The following IL1RAPL1 variants were observed in gnomAD, a reference collection of about 807,000 sequenced individuals.
The protein encoded by IL1RAPL1 is interleukin 1 receptor accessory protein like 1, also known as interleukin-1 receptor accessory protein-like 1.
A neutral mutation model predicts 48.4 loss-of-function variants in IL1RAPL1; 3 were observed. That is an observed-to-expected ratio of 0.06 (90% CI 0.03 to 0.16). IL1RAPL1 has a LOEUF of 0.16. Ranked by LOEUF, IL1RAPL1 falls within the 10% of genes least tolerant of loss-of-function variation. IL1RAPL1 has a pLI of 1.00. For missense variants in IL1RAPL1, 349 were observed against 530.6 expected, an observed-to-expected ratio of 0.66 and a Z score of 3.36; for synonymous variants, 185 against 187.7, an observed-to-expected ratio of 0.99 and a Z score of 0.12.
chrX:29,387,475 C>T (rs1028239073), intron 3 of IL1RAPL1, among the ~76,000 whole-genome samples: 1 of 112,001 alleles, frequency 8.9e-6, no homozygotes, highest in African/African-American at 3.2e-5. Context: ...TGATGTGCAA[C>T]TTACCCAAAT....
chrX:28,732,407 C>G (rs1303978485), intron 1 of IL1RAPL1, among the ~76,000 whole-genome samples: 1 of 111,747 alleles, frequency 8.9e-6, no homozygotes, highest in East Asian at 2.8e-4. Flanking sequence ...AATTTTGCTT[C>G]TTGTCCGTAT....
At chrX:29,435,491 TTTTG>T (rs1280067664) in intron 5 of IL1RAPL1, among the ~76,000 whole-genome samples, 1 of 111,080 alleles carries the variant, frequency 9.0e-6, no homozygotes, top group Non-Finnish European at 1.9e-5. Context: ...TTTCTGGGTT[TTTTG>T]TTTGTTTTAT....
intron 3 of IL1RAPL1, among the ~76,000 whole-genome samples, chrX:29,299,656 C>G (rs745950042): frequency 8.9e-6 from 1 of 112,082 alleles, no homozygotes; most frequent in South Asian, 3.7e-4. Context: ...AAACAGATTC[C>G]TAGATCCTAC....
Position 28,598,381 on chromosome X carries a change from G to GT in IL1RAPL1, c.-25+10342dup, listed in dbSNP as rs1417644440. 6.3e-5 allele frequency among the ~76,000 whole-genome samples: 7 copies of GT among 111,442 alleles called. No homozygotes were observed. In the East Asian group the frequency reaches 1.7e-3, roughly 27 times the overall value. On this transcript the variant is annotated intron_variant, in intron 1 of 10. Coordinates refer to ENST00000378993, the MANE Select transcript of IL1RAPL1 (RefSeq NM_014271.4). ...GGAAGAAAAGAAACCAGTAGGTATA[G>GT]TTTTTTTTCCCATACTGTATCTGAT...
chrX:28,768,703 T>TTC (rs1195886664), intron 1 of IL1RAPL1, among the ~76,000 whole-genome samples: 836 of 58,781 alleles, frequency 0.014, 15 homozygotes, highest in African/African-American at 0.046. Context: ...CTCTCTCTGT[T>TTC]TCTCTCTCTC....
intron 6 of IL1RAPL1, among the ~76,000 whole-genome samples, chrX:29,766,315 G>A (rs1928884528): frequency 2.7e-5 from 2 of 75,344 alleles, no homozygotes; most frequent in Admixed American, 3.7e-4. Context: ...GAGACAGAGT[G>A]AGACTCCGTC....
At chrX:29,518,846 A>G (rs1455024360) in intron 5 of IL1RAPL1, among the ~76,000 whole-genome samples, 1 of 112,221 alleles carries the variant, frequency 8.9e-6, no homozygotes, top group Non-Finnish European at 1.9e-5. Flanking sequence ...TGCTGTATAG[A>G]AAATAGACTA....
intron 5 of IL1RAPL1, among the ~76,000 whole-genome samples, chrX:29,414,490 G>T (rs1051889972): frequency 1.4e-4 from 16 of 111,005 alleles, no homozygotes; most frequent in African/African-American, 4.6e-4. Context: ...AGGCTGAGAC[G>T]AGAGGACCAC....
At chrX:29,637,612 T>G in intron 5 of IL1RAPL1, among the ~76,000 whole-genome samples, 1 of 111,831 alleles carries the variant, frequency 8.9e-6, no homozygotes, top group East Asian at 2.8e-4. Flanking sequence ...AAAGCTTTCC[T>G]TGATCTCTTT....
chrX:28,921,462 C>G (rs191031453), intron 2 of IL1RAPL1, among the ~76,000 whole-genome samples: 1,693 of 111,563 alleles, frequency 0.015, 36 homozygotes, highest in African/African-American at 0.053. Flanking sequence ...GTGTTATATG[C>G]CCTTCTGGTG....
chrX:29,857,538 ATATGAAGAATGACACCTTCT>A (rs748951425), intron 6 of IL1RAPL1, among the ~76,000 whole-genome samples: 47 of 112,007 alleles, frequency 4.2e-4, no homozygotes, highest in Non-Finnish European at 7.4e-4. Context: ...TGACATTTAG[ATATGAAGAATGACACCTTCT>A]TATGCCTCCT....
At position 28,751,980 on chromosome X, in the gene IL1RAPL1, A is replaced by G. The variant is rs1285991894; in HGVS notation, c.-24-37340A>G. Among the ~76,000 whole-genome samples, 3 of 111,921 alleles carry G rather than the reference A, an allele frequency of 2.7e-5. No homozygotes were observed. The Admixed American group carries it at 2.9e-4, about 11-fold the overall frequency. The stretch of plus-strand genomic sequence containing the variant: ...CTTCTCTAAGCCAAAGTTTCTTAAT[A>G]GAAAACTTGTGATGGTTTTAACAAT... On this transcript the variant is annotated intron_variant, in intron 1 of 10. Coordinates refer to ENST00000378993, the MANE Select transcript of IL1RAPL1 (RefSeq NM_014271.4).
At chrX:29,513,731 T>C (rs895875174) in intron 5 of IL1RAPL1, among the ~76,000 whole-genome samples, 2 of 112,343 alleles carry the variant, frequency 1.8e-5, no homozygotes, top group Non-Finnish European at 3.8e-5. Flanking sequence ...ATGACTAATG[T>C]TTCTTAGCAT....
intron 2 of IL1RAPL1, among the ~76,000 whole-genome samples, chrX:28,817,034 A>T (rs999607964): frequency 9.0e-6 from 1 of 110,509 alleles, no homozygotes; most frequent in Non-Finnish European, 1.9e-5. Context: ...TGTAATTATG[A>T]ATCCCAGTGT....
intron 1 of IL1RAPL1, among the ~76,000 whole-genome samples, chrX:28,682,023 T>C (rs1935065540): frequency 1.8e-5 from 2 of 112,001 alleles, no homozygotes; most frequent in African/African-American, 3.2e-5. Flanking sequence ...TCTACATGTG[T>C]CATATAAATG....
At chrX:29,802,901 A>G (rs1211655636) in intron 6 of IL1RAPL1, among the ~76,000 whole-genome samples, 4 of 31,766 alleles carry the variant, frequency 1.3e-4, no homozygotes, top group South Asian at 1.1e-3. Context: ...ATACATATAT[A>G]TGTGTATATA....
chrX:29,101,962 A>G (rs1000340399), intron 2 of IL1RAPL1, among the ~76,000 whole-genome samples: 3 of 111,673 alleles, frequency 2.7e-5, no homozygotes, highest in Non-Finnish European at 5.6e-5. Flanking sequence ...AAAAAATATC[A>G]TTTATCATGA....
intron 6 of IL1RAPL1, among the ~76,000 whole-genome samples, chrX:29,884,222 T>C (rs1210362037): frequency 8.9e-6 from 1 of 111,869 alleles, no homozygotes; most frequent in Non-Finnish European, 1.9e-5. Flanking sequence ...TTCACCTTAT[T>C]TTCTCCATGG....
At chrX:29,954,151 G>A (rs1294781047) in intron 9 of IL1RAPL1, among the ~76,000 whole-genome samples, 33 of 102,793 alleles carry the variant, frequency 3.2e-4, no homozygotes, top group Admixed American at 3.0e-3. Flanking sequence ...CAGGAGAATG[G>A]CTTGAGCCTG....
Sources: allele counts gnomAD v4.1 joint callset (sites outside exome capture counted in the v4.1 genomes callset), GRCh38; gene constraint gnomAD v4.1.1; transcripts MANE v1.5; gene names NCBI Gene and HGNC (gene_info 2026-07-23, HGNC 2026-07-21).